Variants in CNTN5 observed in about 807,000 individuals in gnomAD.
CNTN5 encodes contactin-5.
CNTN5 carries 77 observed loss-of-function variants against 129.1 expected under a neutral mutation model. The observed-to-expected ratio is 0.60, with a 90% confidence interval of 0.50 to 0.72. The LOEUF (loss-of-function observed/expected upper bound fraction) is 0.72, where lower values mean the gene tolerates loss of function less well. Ranked by LOEUF, CNTN5 falls within the 30% of genes least tolerant of loss-of-function variation. The pLI is 0.00. For synonymous variants in CNTN5, 509 were observed against 465.6 expected, an observed-to-expected ratio of 1.09 and a Z score of -1.20; for missense variants, 1,478 against 1,328.8, an observed-to-expected ratio of 1.11 and a Z score of -1.75.
intron 8 of CNTN5, among the ~76,000 whole-genome samples, chr11:99,965,608 G>T (rs1259302794): frequency 5.3e-5 from 8 of 152,124 alleles, no homozygotes; most frequent in Non-Finnish European, 1.2e-4. Context: ...AACAGGTGTG[G>T]TGTGGTGCTG....
At chr11:99,128,926 A>T (rs1366122136) in intron 1 of CNTN5, among the ~76,000 whole-genome samples, 1 of 152,214 alleles carries the variant, frequency 6.6e-6, no homozygotes, top group Non-Finnish European at 1.5e-5. Flanking sequence ...AGCAGCATCA[A>T]CAAAAACCCC....
intron 9 of CNTN5, among the ~76,000 whole-genome samples, chr11:100,040,999 G>A (rs1942347436): frequency 6.6e-6 from 1 of 152,128 alleles, no homozygotes; most frequent in Non-Finnish European, 1.5e-5. Context: ...CCTACTCTCT[G>A]GCACTCCCCA....
intron 1 of CNTN5, among the ~76,000 whole-genome samples, chr11:99,046,408 A>G (rs1430954737): frequency 6.6e-6 from 1 of 152,296 alleles, no homozygotes; most frequent in Non-Finnish European, 1.5e-5. Flanking sequence ...CTAGAAAAAT[A>G]CTATAAATAT....
intron 3 of CNTN5, among the ~76,000 whole-genome samples, chr11:99,677,626 A>G (rs1591465550): frequency 6.6e-6 from 1 of 152,284 alleles, no homozygotes; most frequent in East Asian, 1.9e-4. Context: ...CACTAAACAA[A>G]AAGATTTCAA....
intron 1 of CNTN5, among the ~76,000 whole-genome samples, chr11:99,164,624 T>A (rs907194042): frequency 7.9e-5 from 12 of 152,142 alleles, no homozygotes; most frequent in African/African-American, 2.9e-4. Flanking sequence ...AAATGAAAAT[T>A]CTAGTATAAA....
intron 21 of CNTN5, among the ~76,000 whole-genome samples, chr11:100,320,032 T>A (rs541610158): frequency 6.6e-6 from 1 of 152,184 alleles, no homozygotes; most frequent in East Asian, 1.9e-4. Flanking sequence ...AGTGCAGATG[T>A]CTTTTTGACA....
At chr11:99,193,177 T>C (rs1390034375) in intron 1 of CNTN5, among the ~76,000 whole-genome samples, 1 of 152,114 alleles carries the variant, frequency 6.6e-6, no homozygotes, top group Non-Finnish European at 1.5e-5. Flanking sequence ...TTCTTATCAC[T>C]ATGACAGGGG....
intron 13 of CNTN5, among the ~76,000 whole-genome samples, chr11:100,183,858 T>C (rs76329477): frequency 0.023 from 3,442 of 152,266 alleles, 138 homozygotes; most frequent in African/African-American, 0.078. Context: ...CACAGGATAC[T>C]ATGTTCTACA....
At chr11:99,653,900 G>C (rs1019322277) in intron 3 of CNTN5, among the ~76,000 whole-genome samples, 2 of 151,730 alleles carry the variant, frequency 1.3e-5, no homozygotes, top group South Asian at 4.2e-4. Flanking sequence ...CTTCTAAACT[G>C]TAAGTTAAAA....
intron 6 of CNTN5, among the ~76,000 whole-genome samples, chr11:99,873,883 A>G (rs1322476239): frequency 6.6e-6 from 1 of 152,056 alleles, no homozygotes; most frequent in Non-Finnish European, 1.5e-5. Context: ...TGCAGCCATA[A>G]AAAAAGAATG....
intron 6 of CNTN5, among the ~76,000 whole-genome samples, chr11:99,876,051 A>G (rs1231381697): frequency 6.6e-6 from 1 of 152,132 alleles, no homozygotes; most frequent in Non-Finnish European, 1.5e-5. Flanking sequence ...GAAATACTAC[A>G]TATCATCTCC....
At chr11:99,182,805 G>T (rs115973486) in intron 1 of CNTN5, among the ~76,000 whole-genome samples, 3,811 of 152,188 alleles carry the variant, frequency 0.025, 160 homozygotes, top group African/African-American at 0.086. Context: ...GCATACAGTG[G>T]TAACATGTGT....
chr11:99,036,726 C>A (rs915849786), intron 1 of CNTN5, among the ~76,000 whole-genome samples: 45 of 152,162 alleles, frequency 3.0e-4, no homozygotes, highest in Non-Finnish European at 5.4e-4. Context: ...CTGTAGCCAA[C>A]ACACTGTGCT....
intron 7 of CNTN5, among the ~76,000 whole-genome samples, chr11:99,925,994 C>T (rs552334026): frequency 1.3e-5 from 2 of 152,248 alleles, no homozygotes; most frequent in South Asian, 2.1e-4. Context: ...ATTGGTCTGT[C>T]TGTTAAATTA....
chr11:99,676,999 CATT>C (rs1482995214), intron 3 of CNTN5, among the ~76,000 whole-genome samples: 4 of 152,090 alleles, frequency 2.6e-5, no homozygotes, highest in African/African-American at 7.2e-5. Context: ...AACTCAAACT[CATT>C]ATCAAGCTAA....
chr11:99,659,338 T>G (rs1952510761), intron 3 of CNTN5, among the ~76,000 whole-genome samples: 1 of 152,270 alleles, frequency 6.6e-6, no homozygotes, highest in Middle Eastern at 3.4e-3. Flanking sequence ...TGAGAGCAGG[T>G]TTTCTATCTT....
intron 3 of CNTN5, among the ~76,000 whole-genome samples, chr11:99,614,731 T>C (rs972289393): frequency 6.6e-6 from 1 of 152,198 alleles, no homozygotes; most frequent in African/African-American, 2.4e-5. Flanking sequence ...AGGCTGGAAC[T>C]GTGGAACTGA....
intron 9 of CNTN5, among the ~76,000 whole-genome samples, chr11:100,026,376 T>TA (rs1452236193): frequency 6.6e-6 from 1 of 152,170 alleles, no homozygotes; most frequent in Non-Finnish European, 1.5e-5. Context: ...GGAAGTTCTT[T>TA]ATAGCACTGT....
chr11:99,191,271 T>C (rs1329768216), intron 1 of CNTN5, among the ~76,000 whole-genome samples: 1 of 151,868 alleles, frequency 6.6e-6, no homozygotes. Flanking sequence ...TTTTCACCTG[T>C]GTTCATCAGG....
Sources: allele counts gnomAD v4.1 joint callset (sites outside exome capture counted in the v4.1 genomes callset), GRCh38; gene constraint gnomAD v4.1.1; transcripts MANE v1.5; gene names NCBI Gene and HGNC (gene_info 2026-07-23, HGNC 2026-07-21).